ESRRG: variants seen among roughly 807,000 people sequenced by gnomAD.
ESRRG encodes the protein estrogen-related receptor gamma.
In ESRRG, 13 loss-of-function variants were observed where a neutral mutation model predicts 44.0. That is an observed-to-expected ratio of 0.30 (90% confidence interval 0.19 to 0.47). ESRRG has a LOEUF of 0.47. ESRRG is among the 20% of genes least tolerant of loss of function. The pLI is 1.00. For missense variants in ESRRG, 395 were observed against 580.6 expected, an observed-to-expected ratio of 0.68 and a Z score of 3.29; for synonymous variants, 215 against 214.6, an observed-to-expected ratio of 1.00 and a Z score of -0.02.
chr1:216,507,500 C>T (rs985381538), intron 6 of ESRRG, among the ~76,000 whole-genome samples: 1 of 152,164 alleles, frequency 6.6e-6, no homozygotes, highest in Non-Finnish European at 1.5e-5. Flanking sequence ...TTCATTGTCT[C>T]ATCCAGGTAT....
At chr1:216,905,186 G>C in intron 2 of ESRRG, among the ~76,000 whole-genome samples, 1 of 152,186 alleles carries the variant, frequency 6.6e-6, no homozygotes, top group Non-Finnish European at 1.5e-5. Context: ...ATCACACACA[G>C]AATGCATTGC....
chr1:216,835,084 T>G (rs1377197553), intron 2 of ESRRG, among the ~76,000 whole-genome samples: 2 of 152,146 alleles, frequency 1.3e-5, no homozygotes, highest in African/African-American at 4.8e-5. Context: ...GCTGTGGAGT[T>G]TTTTGTTGCT....
At chr1:217,073,951 A>G (rs1285005139) in intron 1 of ESRRG, among the ~76,000 whole-genome samples, 1 of 151,952 alleles carries the variant, frequency 6.6e-6, no homozygotes, top group Non-Finnish European at 1.5e-5. Flanking sequence ...TACACTCCAT[A>G]CTTACTAGTC....
intron 2 of ESRRG, among the ~76,000 whole-genome samples, chr1:216,653,479 A>C (rs1251944715): frequency 6.6e-6 from 1 of 152,226 alleles, no homozygotes; most frequent in African/African-American, 2.4e-5. Context: ...CTTTTCCAGC[A>C]ATATTGCTAT....
chr1:216,519,981 T>C (rs2045602129), intron 5 of ESRRG, among the ~76,000 whole-genome samples: 1 of 152,092 alleles, frequency 6.6e-6, no homozygotes, highest in Non-Finnish European at 1.5e-5. Flanking sequence ...CCTTCTTAAT[T>C]GGCTATTTCT....
intron 1 of ESRRG, among the ~76,000 whole-genome samples, chr1:217,048,385 G>T (rs2085281952): frequency 6.6e-6 from 1 of 152,164 alleles, no homozygotes; most frequent in Non-Finnish European, 1.5e-5. Context: ...CAACGAGGCA[G>T]CAGAGGGGAC....
chr1:216,887,028 T>A (rs1445378523), intron 2 of ESRRG, among the ~76,000 whole-genome samples: 1 of 152,090 alleles, frequency 6.6e-6, no homozygotes, highest in Non-Finnish European at 1.5e-5. Context: ...GTGAGCCACG[T>A]CGCCCCGCCC....
chr1:216,998,474 G>A (rs949721882), intron 1 of ESRRG, among the ~76,000 whole-genome samples: 2 of 152,036 alleles, frequency 1.3e-5, no homozygotes, highest in Non-Finnish European at 2.9e-5. Flanking sequence ...CTAAAAATAG[G>A]CTTTGAAGAT....
At position 216,913,086 on chromosome 1, in the gene ESRRG, T is replaced by C. The variant is rs190510315; in HGVS notation, c.-14+26496A>G. On this transcript the variant is annotated intron_variant, in intron 2 of 7. Transcript: ENST00000359162. ...TTGCAGTGAACCGAGATCGCACTAC[T>C]GCACTCCAGAGCGAGACTCTGTCTC... 4.0e-4 allele frequency among the ~76,000 whole-genome samples: 52 copies of C among 129,622 alleles called. No individual in the cohort carries two copies. In the East Asian group the frequency reaches 0.011, roughly 28 times the overall value. The allele number at this position is 129,622 out of a possible 152,430, so 85.0% of individuals were successfully genotyped here.
At chr1:216,876,466 G>C (rs74141693) in intron 2 of ESRRG, among the ~76,000 whole-genome samples, 6,134 of 151,998 alleles carry the variant, frequency 0.04, 395 homozygotes, top group African/African-American at 0.13. Flanking sequence ...GAAACTTCCA[G>C]TATAATTCCC....
chr1:216,656,303 G>T (rs1000027747), intron 2 of ESRRG, among the ~76,000 whole-genome samples: 1 of 152,138 alleles, frequency 6.6e-6, no homozygotes, highest in Admixed American at 6.6e-5. Flanking sequence ...TCCCAGTTTT[G>T]TCAATAGCTA....
intron 1 of ESRRG, among the ~76,000 whole-genome samples, chr1:216,948,936 A>G (rs940232959): frequency 6.6e-6 from 1 of 152,160 alleles, no homozygotes; most frequent in Non-Finnish European, 1.5e-5. Context: ...CAAAACAAGA[A>G]CATAAGCTTA....
chr1:216,976,504 G>A (rs2072939983), intron 1 of ESRRG, among the ~76,000 whole-genome samples: 2 of 152,228 alleles, frequency 1.3e-5, no homozygotes, highest in Middle Eastern at 3.4e-3. Context: ...ACCTTCAGCA[G>A]ATGTAACCTT....
At chr1:216,532,423 C>T (rs1046544886) in intron 5 of ESRRG, among the ~76,000 whole-genome samples, 18 of 152,096 alleles carry the variant, frequency 1.2e-4, no homozygotes, top group Non-Finnish European at 5.9e-5. Context: ...TATTAAATGC[C>T]GCACTGGAAA....
At chr1:216,965,438 T>C (rs2070107526) in intron 1 of ESRRG, among the ~76,000 whole-genome samples, 2 of 152,148 alleles carry the variant, frequency 1.3e-5, no homozygotes, top group Non-Finnish European at 2.9e-5. Context: ...AATCATCTCA[T>C]CCCCAGTGAA....
At chr1:216,767,303 G>C (rs1265940869) in intron 2 of ESRRG, among the ~76,000 whole-genome samples, 1 of 151,934 alleles carries the variant, frequency 6.6e-6, no homozygotes, top group Non-Finnish European at 1.5e-5. Context: ...GTGGGTATTG[G>C]CCAAAATTTC....
At chr1:216,901,699 T>A (rs542631067) in intron 2 of ESRRG, among the ~76,000 whole-genome samples, 2 of 152,156 alleles carry the variant, frequency 1.3e-5, no homozygotes, top group African/African-American at 4.8e-5. Context: ...TTTACCTGCA[T>A]TCTCTTTGGC....
At position 216,928,441 on chromosome 1, in the gene ESRRG, C is replaced by T. The variant is rs6686069; in HGVS notation, c.-14+11141G>A. 4.4e-3 allele frequency among the ~76,000 whole-genome samples: 672 copies of T among 152,294 alleles called. 3 individuals carry two copies. The highest frequency in any genetic ancestry group is 0.015 in the African/African-American group (641 of 41,556). On this transcript the variant is annotated intron_variant, in intron 2 of 7. Coordinates refer to the ESRRG transcript ENST00000359162. ...CAATATTTACTATCATTAAGAAACT[C>T]ACAGCATCCATCTTCATTGCCTTCT... is the stretch of plus-strand genomic sequence containing the variant.
intron 3 of ESRRG, among the ~76,000 whole-genome samples, chr1:216,580,964 T>C (rs2062656554): frequency 6.6e-6 from 1 of 152,224 alleles, no homozygotes; most frequent in Non-Finnish European, 1.5e-5. Context: ...GTTTGAAAAA[T>C]GCTTCTAGCT....
Sources: allele counts gnomAD v4.1 joint callset (sites outside exome capture counted in the v4.1 genomes callset), GRCh38; gene constraint gnomAD v4.1.1; transcripts MANE v1.5; gene names NCBI Gene and HGNC (gene_info 2026-07-23, HGNC 2026-07-21).